PGR: variants seen among roughly 807,000 people sequenced by gnomAD.
PGR encodes progesterone receptor, also known as nuclear receptor subfamily 3 group C member 3.
A neutral mutation model predicts 76.1 loss-of-function variants in PGR; 25 were observed. That is an observed-to-expected ratio of 0.33 (90% CI 0.24 to 0.46). The LOEUF is 0.46. Ranked by LOEUF, PGR falls within the 20% of genes least tolerant of loss-of-function variation. The probability of loss-of-function intolerance (pLI) is 1.00; values close to 1 mark genes in which losing one functional copy is unlikely to be tolerated. For synonymous variants in PGR, 579 were observed against 535.0 expected (o/e 1.08, Z -1.14); for missense variants, 1,172 against 1,225.3 (o/e 0.96, Z 0.65).
chr11:101,071,771 T>C (rs969298980), intron 3 of PGR, among the ~76,000 whole-genome samples: 5 of 151,342 alleles, frequency 3.3e-5, no homozygotes, highest in Admixed American at 3.3e-4. Context: ...GAATACAAGA[T>C]TAGAGAATAA....
chr11:101,053,017 T>C (rs1173794507), intron 4 of PGR, among the ~76,000 whole-genome samples: 1 of 152,140 alleles, frequency 6.6e-6, no homozygotes, highest in Non-Finnish European at 1.5e-5. Context: ...CTAAAAATAT[T>C]AATATAAATT....
chr11:101,127,482 A>G lies in PGR; in HGVS notation c.1589T>C (p.Leu530Pro). 1 of 1,558,306 alleles carries G rather than the reference A, an allele frequency of 6.4e-7. No homozygotes were observed. The highest frequency in any genetic ancestry group is 8.7e-7 in the Non-Finnish European group (1 of 1,155,964). Reference protein sequence around the residue: ...LPQLGYQAAVLKEGLPQVYPP... With the variant: ...LPQLGYQAAVPKEGLPQVYPP... ...GTAGACCTGCGGCAGGCCCTCCTTG[A>G]GCACGGCGGCCTGGTAGCCGAGCTG... The change falls in exon 1 of 8, where the codon CTC becomes CCC. Residue 530 changes from leucine to proline, a missense_variant. Around this residue, in one of 4 missense-constraint regions of PGR, gnomAD observed 893 missense variants for 785.9 expected, o/e 1.14. Coordinates refer to ENST00000325455, the MANE Select transcript of PGR (RefSeq NM_000926.4).
rs1378266958 is a variant in PGR, at chr11:101,034,623, G to A, written c.*4493C>T. 2 of 171,708 alleles carry A rather than the reference G, an allele frequency of 1.2e-5. No homozygotes were observed. The highest frequency in any genetic ancestry group is 2.5e-5 in the Non-Finnish European group (2 of 79,296). The allele number at this position is 171,708 out of a possible 1,614,324, so 10.6% of individuals were successfully genotyped here. On this transcript the variant is annotated 3_prime_UTR_variant, in exon 8 of 8. Coordinates refer to ENST00000325455, the MANE Select transcript of PGR (RefSeq NM_000926.4). ...CACATTGATTCTAGGCCGAACTTTA[G>A]AAGTGTAGGTTCTATTAGCTCCAGC...
intron 3 of PGR, among the ~76,000 whole-genome samples, chr11:101,078,566 T>C (rs1439394284): frequency 2.0e-5 from 3 of 152,214 alleles, no homozygotes; most frequent in Admixed American, 2.0e-4. Flanking sequence ...GGTGTAACTA[T>C]CTTCCCACTC....
At chr11:101,102,793 C>A (rs1009843396) in intron 2 of PGR, among the ~76,000 whole-genome samples, 7 of 132,530 alleles carry the variant, frequency 5.3e-5, no homozygotes, top group Admixed American at 1.8e-4. Flanking sequence ...ACAGCAGTCC[C>A]TAATCTTTTT....
intron 2 of PGR, among the ~76,000 whole-genome samples, chr11:101,097,779 T>C (rs947988290): frequency 2.3e-5 from 1 of 42,578 alleles, no homozygotes; most frequent in East Asian, 0.056. Flanking sequence ...AGTGTTACTC[T>C]TTTTTTTTTT....
chr11:101,029,705 T>C lies in PGR; in HGVS notation c.*9411A>G, dbSNP rs549396109. 1.4e-5 allele frequency: 3 copies of C among 208,936 alleles called. No individual in the cohort carries two copies. Among genetic ancestry groups the C allele is most frequent in the Admixed American group, 1.2e-4 (2 of 16,942 alleles). 12.9% of individuals were successfully genotyped at this position (208,936 alleles called of 1,614,324 possible). A position where few individuals can be genotyped will look rare whatever the true frequency, so the allele number is the denominator to read the frequency against. ...CACAATATTTTTAAAGAAAACATTATGTGAAGATGATTCATTTCAAACCAC... is the reference window on the plus strand; with the variant it reads ...CACAATATTTTTAAAGAAAACATTACGTGAAGATGATTCATTTCAAACCAC... On this transcript the variant is annotated 3_prime_UTR_variant, in exon 8 of 8. Transcript: ENST00000325455.
At chr11:101,116,511 G>A (rs538495304) in intron 2 of PGR, among the ~76,000 whole-genome samples, 7 of 152,182 alleles carry the variant, frequency 4.6e-5, no homozygotes, top group South Asian at 2.1e-4. Flanking sequence ...AGGCCAAGGC[G>A]GGAGGATCAC....
rs753904342 is a variant in PGR, at chr11:101,127,402, C to T, written c.1637+32G>A. The T allele has an allele frequency of 2.0e-6, 3 of 1,483,834 alleles. No individual in the cohort carries two copies. In the South Asian group the frequency reaches 3.8e-5, roughly 19 times the overall value. 91.9% of individuals were successfully genotyped at this position (1,483,834 alleles called of 1,614,324 possible). On this transcript the variant is annotated intron_variant, in intron 1 of 7. Coordinates refer to ENST00000325455, the MANE Select transcript of PGR (RefSeq NM_000926.4). ...CGCCAACGGAACCGCTACTCCCGGACGCGCTGGGCGTGCCCCGTCCCGGGC... is the reference window on the plus strand; with the variant it reads ...CGCCAACGGAACCGCTACTCCCGGATGCGCTGGGCGTGCCCCGTCCCGGGC...
intron 3 of PGR, among the ~76,000 whole-genome samples, chr11:101,085,543 A>AC (rs1861468036): frequency 2.0e-5 from 3 of 149,064 alleles, no homozygotes; most frequent in African/African-American, 7.3e-5. Context: ...AAAAAAAAAA[A>AC]AAAAAAACAA....
intron 7 of PGR, 151 bp downstream of exon 7, chr11:101,041,794 T>G: frequency 1.5e-6 from 1 of 651,104 alleles, no homozygotes; most frequent in Non-Finnish European, 2.6e-6. Flanking sequence ...AAAAACACAA[T>G]AAAAAGTCTG....
rs777154733 is a variant in PGR, at chr11:101,128,720, A to G, written c.351T>C (p.Thr117=). Residue 117 remains threonine (T), a synonymous_variant, in exon 1 of 8, where the codon ACT becomes ACC. Transcript: ENST00000325455. ...GCCCGGGACCTGAGGGCGCCAACAG[A>G]GTGTCCAAGACACTGTCCAGCAGTC... The part of the protein sequence containing the change: ...DSGLLDSVLD[T]LLAPSGPGQS... 18 of 1,611,672 alleles carry G rather than the reference A, an allele frequency of 1.1e-5. No individual in the cohort carries two copies. Among genetic ancestry groups the G allele is most frequent in the Non-Finnish European group, 1.5e-5 (18 of 1,179,466 alleles).
chr11:101,107,701 C>T (rs1862208267), intron 2 of PGR, among the ~76,000 whole-genome samples: 1 of 151,992 alleles, frequency 6.6e-6, no homozygotes, highest in Admixed American at 6.6e-5. Flanking sequence ...TTCCTTCCCT[C>T]ATATCTATGA....
At position 101,034,163 on chromosome 11, in the gene PGR, T is replaced by G. The variant is rs745834518; in HGVS notation, c.*4953A>C. On this transcript the variant is annotated 3_prime_UTR_variant, in exon 8 of 8. Coordinates refer to ENST00000325455, the MANE Select transcript of PGR (RefSeq NM_000926.4). ...CAGCTTAAAAATAATGCCTCTCCCA[T>G]GTCTCCATGAGTGGAAAAAAAGCAA... 8.4e-5 allele frequency: 19 copies of G among 226,838 alleles called. No homozygotes were observed. The highest frequency in any genetic ancestry group is 1.7e-4 in the Non-Finnish European group (19 of 114,042). The allele number at this position is 226,838 out of a possible 1,614,324, so 14.1% of individuals were successfully genotyped here. A position where few individuals can be genotyped will look rare whatever the true frequency, so the allele number is the denominator to read the frequency against.
At chr11:101,081,917 T>C (rs539236211) in intron 3 of PGR, among the ~76,000 whole-genome samples, 1 of 152,328 alleles carries the variant, frequency 6.6e-6, no homozygotes, top group East Asian at 1.9e-4. Context: ...AAAATTAACC[T>C]TGAACGTAAA....
At chr11:101,103,390 G>A (rs1862055526) in intron 2 of PGR, among the ~76,000 whole-genome samples, 1 of 152,042 alleles carries the variant, frequency 6.6e-6, no homozygotes, top group Middle Eastern at 3.2e-3. Flanking sequence ...CCTTAAGGGT[G>A]ATCCTGAGGA....
At chr11:101,059,095 T>C (rs543584437) in intron 4 of PGR, among the ~76,000 whole-genome samples, 3 of 152,098 alleles carry the variant, frequency 2.0e-5, no homozygotes, top group East Asian at 3.9e-4. Flanking sequence ...TCAGCAAACC[T>C]ATCTCATGCT....
In PGR at chr11:101,038,434, C is replaced by G. The variant is rs901837315; in HGVS notation, c.*682G>C. The G allele has an allele frequency of 1.4e-5, 3 of 221,850 alleles. No individual in the cohort carries two copies. The highest frequency in any genetic ancestry group is 9.0e-6 in the Non-Finnish European group (1 of 110,894). 13.7% of individuals were successfully genotyped at this position (221,850 alleles called of 1,614,324 possible). On this transcript the variant is annotated 3_prime_UTR_variant, in exon 8 of 8. Transcript: ENST00000325455. The stretch of plus-strand genomic sequence containing the variant: ...CAAAAAAGGTTATTTTAAAAACCTA[C>G]AAAACCCACAATACTATTTGCATAA...
intron 6 of PGR, among the ~76,000 whole-genome samples, chr11:101,049,701 T>C (rs1860023311): frequency 1.3e-5 from 2 of 152,104 alleles, no homozygotes; most frequent in Non-Finnish European, 2.9e-5. Context: ...TCATTTTATC[T>C]AAAATAAAAA....
Sources: gnomAD v4.1 joint callset for allele counts (sites outside exome capture counted in the v4.1 genomes callset) on GRCh38, gnomAD v4.1.1 for gene constraint, gnomAD v4.1.1 regional missense constraint, MANE v1.5 for transcripts, NCBI Gene and HGNC (gene_info 2026-07-23, HGNC 2026-07-21) for gene names.